Variants in EVC2 observed in about 807,000 individuals in gnomAD.
The protein encoded by EVC2 is limbin.
EVC2 carries 148 observed loss-of-function variants against 149.3 expected under a neutral mutation model. The observed-to-expected ratio is 0.99, with a 90% confidence interval of 0.87 to 1.14. EVC2 has a LOEUF of 1.14. Among genes scored for constraint, EVC2 ranks in the 50% most tolerant of loss-of-function variants. The pLI is 0.00. For synonymous variants in EVC2, 776 were observed against 649.9 expected (o/e 1.19, Z -2.95); for missense variants, 1,854 against 1,627.3 (o/e 1.14, Z -2.40).
chr4:5,702,470 G>T (rs1336337629), intron 1 of EVC2, among the ~76,000 whole-genome samples: 2 of 152,188 alleles, frequency 1.3e-5, no homozygotes, highest in Non-Finnish European at 2.9e-5. Context: ...ATGGCCCAGA[G>T]GCCTGGTCTC....
At chr4:5,673,172 G>A (rs1719762886) in intron 7 of EVC2, among the ~76,000 whole-genome samples, 1 of 152,210 alleles carries the variant, frequency 6.6e-6, no homozygotes. Flanking sequence ...TAATGTTTAG[G>A]GTTATGGTAC....
At chr4:5,649,145 T>C (rs1936836148) in intron 9 of EVC2, among the ~76,000 whole-genome samples, 1 of 152,216 alleles carries the variant, frequency 6.6e-6, no homozygotes. Flanking sequence ...CTGGGGCATC[T>C]TTACTACCTC....
At chr4:5,556,179 C>CAAAAAAAAAAAAAAAAA (rs61024761) in intron 21 of EVC2, among the ~76,000 whole-genome samples, 1 of 65,020 alleles carries the variant, frequency 1.5e-5, no homozygotes, top group African/African-American at 7.1e-5. Context: ...GACTCCGTCT[C>CAAAAAAAAAAAAAAAAA]AAAAAAAAAA....
chr4:5,568,994 G>T (rs1267525405), intron 19 of EVC2, among the ~76,000 whole-genome samples: 1 of 152,184 alleles, frequency 6.6e-6, no homozygotes, highest in East Asian at 1.9e-4. Flanking sequence ...CAGGCGAGCA[G>T]TGCAGGCTCT....
At chr4:5,535,278 C>A in the EVC2 span, among the ~76,000 whole-genome samples, 57 of 152,266 alleles carry the variant, frequency 3.7e-4, no homozygotes, top group Admixed American at 2.6e-3. This position sits in a 1 kb window ranked among gnomAD's most constrained non-coding sequence, Gnocchi z 4.7. Flanking sequence ...GTAACCTCTG[C>A]CGTAATCCAC....
intron 21 of EVC2, among the ~76,000 whole-genome samples, 161 bp downstream of exon 21, chr4:5,565,097 A>C (rs1218396183): frequency 3.3e-5 from 5 of 152,336 alleles, no homozygotes; most frequent in Admixed American, 6.5e-5. Flanking sequence ...TTCAGCTTCT[A>C]AACTCAGCCC....
At chr4:5,707,515 G>C (rs1165163765) in intron 1 of EVC2, among the ~76,000 whole-genome samples, 1 of 152,206 alleles carries the variant, frequency 6.6e-6, no homozygotes, top group Non-Finnish European at 1.5e-5. Context: ...TGGGACAGGA[G>C]TGGCAGAATG....
intron 7 of EVC2, among the ~76,000 whole-genome samples, chr4:5,672,081 C>T (rs1719682794): frequency 6.6e-6 from 1 of 152,190 alleles, no homozygotes; most frequent in Non-Finnish European, 1.5e-5. Flanking sequence ...AATGAACAGG[C>T]AGGCAGATGC....
At chr4:5,685,704 TG>T (rs1459122501) in intron 5 of EVC2, among the ~76,000 whole-genome samples, 1 of 152,216 alleles carries the variant, frequency 6.6e-6, no homozygotes, top group Non-Finnish European at 1.5e-5. Context: ...GGTGGACTCC[TG>T]GACTCCCACT....
At chr4:5,586,544 G>C (rs1294225186) in intron 16 of EVC2, among the ~76,000 whole-genome samples, 1 of 152,112 alleles carries the variant, frequency 6.6e-6, no homozygotes, top group Non-Finnish European at 1.5e-5. Context: ...TGGAATTTCA[G>C]ATAGAACAGA....
At chr4:5,563,195 C>T in intron 21 of EVC2, 80 bp from the exon 22 acceptor site, 1 of 1,387,148 alleles carries the variant, frequency 7.2e-7, no homozygotes, top group Admixed American at 1.7e-5. Flanking sequence ...CAAGAGAATC[C>T]CTCCTTGGGT....
chr4:5,615,371 C>A (rs1715164965), intron 16 of EVC2, 51 bp downstream of exon 16: 1 of 1,613,154 alleles, frequency 6.2e-7, no homozygotes, highest in Non-Finnish European at 8.5e-7. Context: ...GCTATCAGAG[C>A]AGCCCCGCCA....
chr4:5,568,314 T>G, intron 20 of EVC2, 130 bp downstream of exon 20: 2 of 976,608 alleles, frequency 2.0e-6, no homozygotes, highest in Non-Finnish European at 1.5e-6. Flanking sequence ...AGATTCTATT[T>G]AAAAAATAAA....
chr4:5,570,940 G>T (rs905671049), intron 19 of EVC2, among the ~76,000 whole-genome samples: 1 of 152,130 alleles, frequency 6.6e-6, no homozygotes, highest in African/African-American at 2.4e-5. Flanking sequence ...GAGGAGCTGA[G>T]CTATGAGGAT....
intron 16 of EVC2, among the ~76,000 whole-genome samples, chr4:5,593,551 T>C (rs1352713703): frequency 6.6e-6 from 1 of 152,200 alleles, no homozygotes; most frequent in African/African-American, 2.4e-5. Flanking sequence ...TGCTGAAATA[T>C]AAATGTGCAT....
At chr4:5,535,176 G>A in the EVC2 span, among the ~76,000 whole-genome samples, 1 of 152,232 alleles carries the variant, frequency 6.6e-6, no homozygotes, top group East Asian at 1.9e-4. The surrounding 1 kb of genome is among the most constrained non-coding windows in gnomAD (Gnocchi z 4.7). Flanking sequence ...GCCATCTCCA[G>A]TGAGCACAGA....
chr4:5,577,680 C>G (rs1723012576), intron 17 of EVC2, among the ~76,000 whole-genome samples: 1 of 152,176 alleles, frequency 6.6e-6, no homozygotes, highest in Non-Finnish European at 1.5e-5. Flanking sequence ...TAGACTGCAT[C>G]TCTCTATAGC....
chr4:5,626,634 G>A (rs780452828), intron 12 of EVC2, among the ~76,000 whole-genome samples: 4 of 152,008 alleles, frequency 2.6e-5, no homozygotes, highest in South Asian at 2.1e-4. Flanking sequence ...GCGCCTGGCC[G>A]AAACATTCTT....
At chr4:5,611,846 G>T (rs1577155287) in intron 16 of EVC2, among the ~76,000 whole-genome samples, 1 of 152,190 alleles carries the variant, frequency 6.6e-6, no homozygotes, top group East Asian at 1.9e-4. Context: ...CCTGAGTCAT[G>T]TGACAGGCAG....
Sources: allele counts gnomAD v4.1 joint callset (sites outside exome capture counted in the v4.1 genomes callset), GRCh38; gene constraint gnomAD v4.1.1; non-coding constraint Gnocchi (gnomAD v3.1); transcripts MANE v1.5; gene names NCBI Gene and HGNC (gene_info 2026-07-23, HGNC 2026-07-21).